DSCAM: variants seen among roughly 807,000 people sequenced by gnomAD.
The protein encoded by DSCAM is DS cell adhesion molecule.
In DSCAM, 47 loss-of-function variants were observed where a neutral mutation model predicts 217.7. The ratio of observed to expected loss-of-function variants is 0.22; its 90% confidence interval spans 0.17 to 0.28. DSCAM has a LOEUF of 0.28. Ranked by LOEUF, DSCAM falls within the 10% of genes least tolerant of loss-of-function variation. The pLI is 1.00. For missense variants in DSCAM, 2,080 were observed against 2,618.3 expected (o/e 0.79, Z 4.49); for synonymous variants, 1,056 against 1,015.3 (o/e 1.04, Z -0.76).
chr21:40,826,533 T>TCA (rs1253240037), intron 1 of DSCAM, among the ~76,000 whole-genome samples: 1 of 152,228 alleles, frequency 6.6e-6, no homozygotes, highest in African/African-American at 2.4e-5. Context: ...AGCTGTGAGT[T>TCA]GGCAGATTAT....
chr21:40,462,361 C>A (rs1439991060), intron 3 of DSCAM, among the ~76,000 whole-genome samples: 1 of 152,152 alleles, frequency 6.6e-6, no homozygotes, highest in Non-Finnish European at 1.5e-5. Flanking sequence ...GAATAAAAAT[C>A]TTAGAGCCAT....
chr21:40,639,510 T>A (rs1332316486), intron 3 of DSCAM, among the ~76,000 whole-genome samples: 1 of 152,228 alleles, frequency 6.6e-6, no homozygotes, highest in African/African-American at 2.4e-5. Flanking sequence ...GGCTAGAAAT[T>A]TGAACGATTT....
At chr21:40,461,569 T>C (rs1601661426) in intron 3 of DSCAM, among the ~76,000 whole-genome samples, 1 of 151,882 alleles carries the variant, frequency 6.6e-6, no homozygotes, top group African/African-American at 2.4e-5. Flanking sequence ...GTGTGACAGG[T>C]AGAATAATGT....
intron 3 of DSCAM, among the ~76,000 whole-genome samples, chr21:40,470,611 G>A (rs2075880436): frequency 6.6e-6 from 1 of 152,142 alleles, no homozygotes; most frequent in African/African-American, 2.4e-5. Context: ...AGTGCAAAGT[G>A]GCATGATTGT....
At chr21:40,544,312 T>C (rs751960592) in intron 3 of DSCAM, among the ~76,000 whole-genome samples, 1 of 152,212 alleles carries the variant, frequency 6.6e-6, no homozygotes, top group Non-Finnish European at 1.5e-5. Context: ...GAATAGCAGC[T>C]GTACTAAGTT....
chr21:40,446,685 C>T (rs897886760), intron 3 of DSCAM, among the ~76,000 whole-genome samples: 1 of 152,206 alleles, frequency 6.6e-6, no homozygotes, highest in East Asian at 1.9e-4. Context: ...TCACTCTCAG[C>T]AACTCAGGTT....
chr21:40,676,946 C>T (rs760382971), intron 3 of DSCAM, among the ~76,000 whole-genome samples: 1 of 152,052 alleles, frequency 6.6e-6, no homozygotes, highest in Non-Finnish European at 1.5e-5. Context: ...GGCTGCGTTC[C>T]GTTTTGGGAA....
intron 11 of DSCAM, among the ~76,000 whole-genome samples, chr21:40,226,918 A>C (rs921317870): frequency 2.0e-5 from 3 of 151,966 alleles, no homozygotes; most frequent in Admixed American, 6.6e-5. Flanking sequence ...ACCCTCCAAA[A>C]GGCTCCAGTG....
At chr21:40,720,525 T>G (rs2146506060) in intron 1 of DSCAM, among the ~76,000 whole-genome samples, 1 of 152,344 alleles carries the variant, frequency 6.6e-6, no homozygotes, top group African/African-American at 2.4e-5. Context: ...TCACTCATTC[T>G]ATCTACTCCC....
intron 9 of DSCAM, among the ~76,000 whole-genome samples, chr21:40,297,264 A>C (rs1333706883): frequency 6.6e-6 from 1 of 152,224 alleles, no homozygotes; most frequent in African/African-American, 2.4e-5. Flanking sequence ...CTCCCCAAAG[A>C]AAGCATATTT....
At chr21:40,494,541 A>G (rs1308927612) in intron 3 of DSCAM, among the ~76,000 whole-genome samples, 3 of 152,190 alleles carry the variant, frequency 2.0e-5, no homozygotes, top group Non-Finnish European at 4.4e-5. Flanking sequence ...CTAAATTTTA[A>G]GTACTAAAAT....
At chr21:40,452,860 A>C (rs973601178) in intron 3 of DSCAM, among the ~76,000 whole-genome samples, 1 of 152,172 alleles carries the variant, frequency 6.6e-6, no homozygotes, top group Non-Finnish European at 1.5e-5. Flanking sequence ...GAAATCTGTA[A>C]AATTCTGGCT....
intron 2 of DSCAM, among the ~76,000 whole-genome samples, chr21:40,696,550 G>A (rs1424011049): frequency 6.6e-6 from 1 of 152,178 alleles, no homozygotes; most frequent in Non-Finnish European, 1.5e-5. Flanking sequence ...TCTTGTTTCT[G>A]TGAATGGTTC....
chr21:40,094,962 T>C (rs767015052), intron 20 of DSCAM, among the ~76,000 whole-genome samples: 5 of 152,324 alleles, frequency 3.3e-5, no homozygotes, highest in Middle Eastern at 3.4e-3. Flanking sequence ...AAACATAATA[T>C]GTCACAGCGA....
intron 10 of DSCAM, among the ~76,000 whole-genome samples, chr21:40,286,639 C>A (rs2073827313): frequency 7.0e-6 from 1 of 143,714 alleles, no homozygotes; most frequent in Admixed American, 6.8e-5. Flanking sequence ...CCAGACTTAT[C>A]TTTTGAATGT....
At chr21:40,180,238 G>A (rs982524167) in intron 14 of DSCAM, among the ~76,000 whole-genome samples, 1 of 152,148 alleles carries the variant, frequency 6.6e-6, no homozygotes, top group African/African-American at 2.4e-5. Flanking sequence ...TCACACTAAG[G>A]GTGAGTATGG....
chr21:40,445,472 T>C (rs2837628), intron 3 of DSCAM, among the ~76,000 whole-genome samples: 14,287 of 152,250 alleles, frequency 0.094, 770 homozygotes, highest in South Asian at 0.19. Context: ...TGGCAGGAAA[T>C]CCTAATTAAA....
At chr21:40,780,423 G>GTATATATATA (rs71186965) in intron 1 of DSCAM, among the ~76,000 whole-genome samples, 34 of 56,432 alleles carry the variant, frequency 6.0e-4, no homozygotes, top group African/African-American at 2.1e-3. Context: ...GTGTGTGTGT[G>GTATATATATA]TATATATATA....
intron 3 of DSCAM, among the ~76,000 whole-genome samples, chr21:40,459,736 AT>A (rs964974071): frequency 6.6e-6 from 1 of 152,138 alleles, no homozygotes; most frequent in Non-Finnish European, 1.5e-5. Context: ...TATGAAAGAT[AT>A]TTTTTTCTCC....
Sources: gnomAD v4.1 joint callset for allele counts (sites outside exome capture counted in the v4.1 genomes callset) on GRCh38, gnomAD v4.1.1 for gene constraint, MANE v1.5 for transcripts, NCBI Gene and HGNC (gene_info 2026-07-23, HGNC 2026-07-21) for gene names.